The following ASAP1 variants were observed in gnomAD, a reference collection of about 807,000 sequenced individuals.
ASAP1 encodes the protein arf-GAP with SH3 domain, ANK repeat and PH domain-containing protein 1.
In ASAP1, 43 loss-of-function variants were observed where a neutral mutation model predicts 145.2. The observed-to-expected ratio is 0.30, with a 90% confidence interval of 0.23 to 0.38. ASAP1 has a LOEUF of 0.38. ASAP1 is among the 10% of genes least tolerant of loss of function. The pLI, the probability that ASAP1 is intolerant of heterozygous loss-of-function variation, is 1.00. For missense variants in ASAP1, 1,018 were observed against 1,355.3 expected, an observed-to-expected ratio of 0.75 and a Z score of 3.91; for synonymous variants, 546 against 515.5, an observed-to-expected ratio of 1.06 and a Z score of -0.80.
At chr8:130,224,597 TA>T (rs536268460) in intron 4 of ASAP1, among the ~76,000 whole-genome samples, 9 of 151,870 alleles carry the variant, frequency 5.9e-5, no homozygotes, top group Admixed American at 3.9e-4. Flanking sequence ...TTCTCCCTTT[TA>T]AAAAAAATAA....
intron 9 of ASAP1, among the ~76,000 whole-genome samples, chr8:130,177,066 T>A (rs988576380): frequency 2.6e-5 from 4 of 152,214 alleles, no homozygotes; most frequent in African/African-American, 9.7e-5. Flanking sequence ...TCTGACTTAC[T>A]TCCTATACCT....
At chr8:130,123,647 G>C (rs1332556385) in intron 18 of ASAP1, among the ~76,000 whole-genome samples, 1 of 152,186 alleles carries the variant, frequency 6.6e-6, no homozygotes, top group African/African-American at 2.4e-5. Context: ...TTATTTTTGA[G>C]ATGGGGTCTC....
chr8:130,282,245 A>C (rs1821297968), intron 3 of ASAP1, among the ~76,000 whole-genome samples: 1 of 152,184 alleles, frequency 6.6e-6, no homozygotes. Context: ...GGGATCTAAT[A>C]ATCTATATCT....
chr8:130,340,010 T>C lies in ASAP1; in HGVS notation c.186+18007A>G, dbSNP rs565536854. ...CTTCAAGGCTTCCGTGTGTGTACAT[T>C]TGTTCATTCAAATGGGGTTCATTCT... On this transcript the variant is annotated intron_variant, in intron 3 of 29. Transcript: ENST00000518721. Among the ~76,000 whole-genome samples, 9 of 152,324 alleles carry C rather than the reference T, an allele frequency of 5.9e-5. No homozygotes were observed. The East Asian group carries it at 1.2e-3, about 20-fold the overall frequency.
chr8:130,095,905 C>T (rs1361952854), intron 24 of ASAP1, among the ~76,000 whole-genome samples: 1 of 152,210 alleles, frequency 6.6e-6, no homozygotes, highest in Non-Finnish European at 1.5e-5. Flanking sequence ...AGGCGTGAGT[C>T]ACAGTGCCCG....
chr8:130,220,663 C>T (rs1586622686), intron 4 of ASAP1, among the ~76,000 whole-genome samples: 1 of 152,018 alleles, frequency 6.6e-6, no homozygotes. Flanking sequence ...ATGGTAAAAC[C>T]CCACTGTATT....
At chr8:130,217,518 A>ATATATGTGTG (rs1259326938) in intron 4 of ASAP1, among the ~76,000 whole-genome samples, 22 of 133,318 alleles carry the variant, frequency 1.7e-4, no homozygotes, top group African/African-American at 5.7e-4. Context: ...ATATATGTGT[A>ATATATGTGTG]TATATGTGTG....
chr8:130,187,384 AG>A, intron 6 of ASAP1, 99 bp from the exon 7 acceptor site: 1 of 1,002,046 alleles, frequency 1.0e-6, no homozygotes. Context: ...TTTCCTTTAT[AG>A]GACACTGGGA....
At chr8:130,169,951 A>G (rs900151340) in intron 9 of ASAP1, among the ~76,000 whole-genome samples, 1 of 152,194 alleles carries the variant, frequency 6.6e-6, no homozygotes, top group Non-Finnish European at 1.5e-5. Flanking sequence ...CCAGTCTCTG[A>G]TATCAGTTTA....
intron 2 of ASAP1, among the ~76,000 whole-genome samples, chr8:130,398,888 T>A (rs1023164847): frequency 1.2e-4 from 19 of 152,088 alleles, no homozygotes; most frequent in Non-Finnish European, 2.9e-5. Context: ...CAAGAATGAG[T>A]AGTGTGGAGG....
At chr8:130,361,378 T>C (rs1826701478) in intron 2 of ASAP1, among the ~76,000 whole-genome samples, 1 of 152,196 alleles carries the variant, frequency 6.6e-6, no homozygotes, top group Non-Finnish European at 1.5e-5. Flanking sequence ...GACTTGTGTA[T>C]ACAGTCAGCT....
At chr8:130,307,737 T>C (rs1170793141) in intron 3 of ASAP1, among the ~76,000 whole-genome samples, 1 of 152,202 alleles carries the variant, frequency 6.6e-6, no homozygotes, top group African/African-American at 2.4e-5. Context: ...ACGCTCTAAT[T>C]TGCCAATGAG....
At chr8:130,075,044 A>G (rs538881804) in intron 27 of ASAP1, among the ~76,000 whole-genome samples, 20 of 152,274 alleles carry the variant, frequency 1.3e-4, no homozygotes, top group Admixed American at 7.8e-4. Context: ...GTAAAGCCCC[A>G]TGGGCACTGG....
At chr8:130,126,224 CTT>C (rs2135725025) in intron 16 of ASAP1, 135 bp from the exon 17 acceptor site, 2 of 866,584 alleles carry the variant, frequency 2.3e-6, no homozygotes, top group Non-Finnish European at 3.4e-6. Flanking sequence ...GAAATGGACT[CTT>C]GAGGTTTAGC....
At chr8:130,217,106 C>T (rs192625586) in intron 4 of ASAP1, among the ~76,000 whole-genome samples, 1 of 152,264 alleles carries the variant, frequency 6.6e-6, no homozygotes, top group East Asian at 1.9e-4. Flanking sequence ...TGGCATGCAC[C>T]ATCCAAGGCC....
At chr8:130,172,514 T>C (rs1813658294) in intron 9 of ASAP1, among the ~76,000 whole-genome samples, 1 of 152,204 alleles carries the variant, frequency 6.6e-6, no homozygotes, top group Non-Finnish European at 1.5e-5. Flanking sequence ...GAGAATGCTC[T>C]ACATCTGTGT....
chr8:130,403,207 T>G (rs1828874784), intron 1 of ASAP1, among the ~76,000 whole-genome samples: 1 of 152,152 alleles, frequency 6.6e-6, no homozygotes, highest in African/African-American at 2.4e-5. Flanking sequence ...AAGATAGCAA[T>G]AATTCCTTGA....
At chr8:130,131,133 G>A (rs1189280644) in intron 15 of ASAP1, among the ~76,000 whole-genome samples, 1 of 151,142 alleles carries the variant, frequency 6.6e-6, no homozygotes, top group East Asian at 2.0e-4. Context: ...CTCCAGCCTG[G>A]GCGACAGAGC....
Position 130,210,194 on chromosome 8 carries a change from T to C in ASAP1, c.405+4362A>G, listed in dbSNP as rs144138729. ...AAACAATAAATTGCAACAAAATGAA[T>C]ACAGAAGTAGACATGAAAATATAGC... is the stretch of plus-strand genomic sequence containing the variant. On this transcript the variant is annotated intron_variant, in intron 5 of 29. Coordinates refer to ENST00000518721, the MANE Select transcript of ASAP1 (RefSeq NM_018482.4). Among the ~76,000 whole-genome samples, 12 of 152,014 alleles carry C rather than the reference T, an allele frequency of 7.9e-5. No individual in the cohort carries two copies. In the East Asian group the frequency reaches 1.9e-3, roughly 24 times the overall value.
Sources: gnomAD v4.1 joint callset for allele counts (sites outside exome capture counted in the v4.1 genomes callset) on GRCh38, gnomAD v4.1.1 for gene constraint, MANE v1.5 for transcripts, NCBI Gene and HGNC (gene_info 2026-07-23, HGNC 2026-07-21) for gene names.